The following RABGEF1 variants were observed in gnomAD, a reference collection of about 807,000 sequenced individuals.
RABGEF1 encodes the protein rab5 GDP/GTP exchange factor.
A neutral mutation model predicts 57.3 loss-of-function variants in RABGEF1; 26 were observed. The ratio of observed to expected loss-of-function variants is 0.45; its 90% CI spans 0.33 to 0.63. The LOEUF is 0.63. Among genes scored for constraint, RABGEF1 ranks in the 20% least tolerant of loss-of-function variants. The probability of loss-of-function intolerance (pLI) is 0.02; values close to 1 mark genes in which losing one functional copy is unlikely to be tolerated. For missense variants in RABGEF1, 464 were observed against 607.6 expected (o/e 0.76, Z 2.48); for synonymous variants, 185 against 210.7 (o/e 0.88, Z 1.06).
intron 2 of RABGEF1, among the ~76,000 whole-genome samples, chr7:66,714,413 G>A (rs1409417123): frequency 2.0e-5 from 3 of 152,038 alleles, no homozygotes; most frequent in South Asian, 2.1e-4. Context: ...GTGATATCAC[G>A]TATTTCATTC....
At chr7:66,747,996 T>C (rs1562777886) in intron 1 of RABGEF1, among the ~76,000 whole-genome samples, 1 of 152,198 alleles carries the variant, frequency 6.6e-6, no homozygotes, top group Non-Finnish European at 1.5e-5. Context: ...GCACTTGGAC[T>C]GAAGTCTTAA....
upstream of RABGEF1, among the ~76,000 whole-genome samples, chr7:66,680,303 A>G (rs1338423775): frequency 2.0e-5 from 3 of 151,910 alleles, no homozygotes; most frequent in East Asian, 1.9e-4. Context: ...CTGGAGTGCA[A>G]TGTCGTGATC....
chr7:66,659,776 C>T, the RABGEF1 span, among the ~76,000 whole-genome samples: 1 of 149,564 alleles, frequency 6.7e-6, no homozygotes, highest in Non-Finnish European at 1.5e-5. Context: ...GAGACTCCAT[C>T]TCAAAAAAAA....
At chr7:66,727,656 G>A (rs1419790774) in intron 2 of RABGEF1, among the ~76,000 whole-genome samples, 3 of 152,200 alleles carry the variant, frequency 2.0e-5, no homozygotes, top group Non-Finnish European at 2.9e-5. Flanking sequence ...CGGGAAGGCC[G>A]GCCCATGCTC....
At position 66,808,904 on chromosome 7, in the gene RABGEF1, A is replaced by C; in HGVS notation, c.1096A>C (p.Ile366Leu). 6.2e-7 allele frequency: 1 copy of C among 1,603,718 alleles called. No individual in the cohort carries two copies. Among genetic ancestry groups the C allele is most frequent in the South Asian group, 1.1e-5 (1 of 90,630 alleles). ...CTTGTAGTGCTGTGCTGTGGCTTTC[A>C]TTGAGAAGCTAGACGCCCAGTCTTT... ...FTNLCCAVAF[I>L]EKLDAQSLNL... Residue 366 changes from isoleucine (I) to leucine (L), a missense_variant, in exon 9 of 9, where the codon ATT becomes CTT. Physicochemically the swap from Ile to Leu is conservative, Grantham distance 5. Transcript: ENST00000284957.
chr7:66,737,884 C>T (rs2707847), upstream of RABGEF1, among the ~76,000 whole-genome samples: 2 of 151,970 alleles, frequency 1.3e-5, no homozygotes, highest in African/African-American at 4.8e-5. Context: ...TCTTGCTGCT[C>T]GGTGCCTAGA....
the RABGEF1 span, among the ~76,000 whole-genome samples, chr7:66,662,718 C>T: frequency 3.9e-5 from 6 of 152,100 alleles, no homozygotes; most frequent in East Asian, 3.9e-4. Context: ...AGTGTGTAGG[C>T]GTGTGTGTGC....
chr7:66,695,316 A>G (rs776968008), intron 1 of RABGEF1, among the ~76,000 whole-genome samples: 10 of 152,142 alleles, frequency 6.6e-5, no homozygotes, highest in Admixed American at 1.3e-4. Context: ...TGTCTCAAAA[A>G]AAAAAGGACC....
chr7:66,676,242 C>T, the RABGEF1 span, among the ~76,000 whole-genome samples: 3,811 of 152,166 alleles, frequency 0.025, 85 homozygotes, highest in Admixed American at 0.04. Context: ...AAGATTGTGC[C>T]ACATCACTCC....
chr7:66,797,318 A>G, intron 5 of RABGEF1, 56 bp from the exon 6 acceptor site: 5 of 1,419,494 alleles, frequency 3.5e-6, no homozygotes, highest in Non-Finnish European at 3.7e-6. Context: ...AAAAAAAAAA[A>G]AAAGAGAGAG....
intron 2 of RABGEF1, among the ~76,000 whole-genome samples, chr7:66,726,383 G>T (rs1176750641): frequency 1.3e-5 from 2 of 152,030 alleles, no homozygotes; most frequent in Admixed American, 6.5e-5. Context: ...TTTTTTAAGA[G>T]GGACAGGGTC....
In RABGEF1 at chr7:66,803,431, T is replaced by C. The variant is rs184544812; in HGVS notation, c.821-1709T>C. On this transcript the variant is annotated intron_variant, in intron 7 of 8. Transcript: ENST00000284957. ...TTAAGCTGCCTTGGCTCTTTTCTTT[T>C]GTGATGTCCCAAGTTGCTGGCCGAT... Among the ~76,000 whole-genome samples the C allele has an allele frequency of 5.4e-4, 83 of 152,334 alleles. 1 individual carries two copies. The East Asian group carries it at 0.014, about 26-fold the overall frequency.
intron 2 of RABGEF1, among the ~76,000 whole-genome samples, chr7:66,729,014 G>A (rs58347342): frequency 0.34 from 50,730 of 148,930 alleles, 9,002 homozygotes; most frequent in Middle Eastern, 0.5. Context: ...GCAGTGGCGC[G>A]ATCTCGACTC....
At chr7:66,763,407 TA>T (rs1368886885) in intron 1 of RABGEF1, among the ~76,000 whole-genome samples, 1 of 152,244 alleles carries the variant, frequency 6.6e-6, no homozygotes, top group Admixed American at 6.5e-5. Context: ...TCTCAGCTTC[TA>T]GAAGCCACTC....
chr7:66,741,704 A>C (rs2129048424), intron 1 of RABGEF1, among the ~76,000 whole-genome samples: 1 of 152,058 alleles, frequency 6.6e-6, no homozygotes. Flanking sequence ...GTTTTTATTT[A>C]TTATTTTTTT....
At chr7:66,776,670 G>C (rs923112857) in intron 3 of RABGEF1, among the ~76,000 whole-genome samples, 3 of 152,174 alleles carry the variant, frequency 2.0e-5, no homozygotes, top group African/African-American at 7.2e-5. Flanking sequence ...ACTCCAGCCT[G>C]GGTGACAGAG....
intron 3 of RABGEF1, among the ~76,000 whole-genome samples, chr7:66,779,331 C>T (rs1809307023): frequency 6.6e-6 from 1 of 150,492 alleles, no homozygotes; most frequent in Non-Finnish European, 1.5e-5. Context: ...TGGTGAAACC[C>T]TGTCTCTACT....
chr7:66,799,408 A>G lies in RABGEF1; in HGVS notation c.814A>G (p.Ile272Val), dbSNP rs1477767542. 4 of 1,600,798 alleles carry G rather than the reference A, an allele frequency of 2.5e-6. No individual in the cohort carries two copies. Among genetic ancestry groups the G allele is most frequent in the Non-Finnish European group, 3.4e-6 (4 of 1,168,100 alleles). Reference sequence around the variant, plus strand: ...AGTGTCTGATATGGTGGTGAAGGCGATCACAGGTCAGTGAAACCAAGAGCC... The same window carrying G: ...AGTGTCTGATATGGTGGTGAAGGCGGTCACAGGTCAGTGAAACCAAGAGCC... Reference protein sequence around the residue: ...PEVSDMVVKAITDIIEMDSKR... With the variant: ...PEVSDMVVKAVTDIIEMDSKR... The change falls in exon 7 of 9, where the codon ATC becomes GTC. Residue 272 changes from isoleucine to valine, a missense_variant. This residue lies in a region of RABGEF1 where 284 missense variants were observed against 389.9 expected (regional missense o/e 0.73). Coordinates refer to ENST00000284957, the MANE Select transcript of RABGEF1 (RefSeq NM_014504.3).
intron 2 of RABGEF1, among the ~76,000 whole-genome samples, chr7:66,721,981 C>G (rs1163283469): frequency 1.3e-5 from 2 of 151,580 alleles, no homozygotes; most frequent in African/African-American, 4.9e-5. Flanking sequence ...GTGAGACCCC[C>G]CCTCCGTCTT....
Sources: gnomAD v4.1 joint callset for allele counts (sites outside exome capture counted in the v4.1 genomes callset) on GRCh38, gnomAD v4.1.1 for gene constraint, gnomAD v4.1.1 regional missense constraint, MANE v1.5 for transcripts, NCBI Gene and HGNC (gene_info 2026-07-23, HGNC 2026-07-21) for gene names.